Variants in DLGAP4 observed in about 807,000 individuals in gnomAD.
DLGAP4 encodes disks large-associated protein 4.
DLGAP4 carries 18 observed loss-of-function variants against 86.9 expected under a neutral mutation model. The observed-to-expected ratio is 0.21, with a 90% CI of 0.14 to 0.31. The LOEUF is 0.31. Ranked by LOEUF, DLGAP4 falls within the 10% of genes least tolerant of loss-of-function variation. The pLI is 1.00. For missense variants in DLGAP4, 1,085 were observed against 1,362.6 expected (o/e 0.80, Z 3.21); for synonymous variants, 548 against 574.3 (o/e 0.95, Z 0.65).
chr20:36,380,453 T>C (rs1298632489), intron 2 of DLGAP4, among the ~76,000 whole-genome samples: 1 of 151,972 alleles, frequency 6.6e-6, no homozygotes. Flanking sequence ...CCAGGCATGG[T>C]GGCACATTCC....
At chr20:36,412,971 A>G (rs984195285) in intron 2 of DLGAP4, among the ~76,000 whole-genome samples, 1 of 138,058 alleles carries the variant, frequency 7.2e-6, no homozygotes, top group African/African-American at 2.7e-5. Flanking sequence ...TTATTCCAGA[A>G]CTCTTTTCTT....
chr20:36,490,215 G>A (rs1347265846), intron 7 of DLGAP4, among the ~76,000 whole-genome samples: 1 of 152,136 alleles, frequency 6.6e-6, no homozygotes, highest in African/African-American at 2.4e-5. Context: ...GAAACAGTGG[G>A]AAAGGAGAGG....
intron 11 of DLGAP4, chr20:36,525,364 T>C (rs535451020): frequency 8.4e-4 from 153 of 183,076 alleles, no homozygotes; most frequent in Non-Finnish European, 1.1e-3. Flanking sequence ...CTGTTCTGCC[T>C]GTGGGAATGT....
intron 7 of DLGAP4, among the ~76,000 whole-genome samples, chr20:36,486,777 AT>A (rs1419902349): frequency 2.6e-5 from 4 of 151,876 alleles, no homozygotes; most frequent in African/African-American, 9.7e-5. Context: ...CACCCGGCCA[AT>A]TTTTTGTATT....
At chr20:36,421,422 T>C (rs1254331607) in intron 2 of DLGAP4, among the ~76,000 whole-genome samples, 3 of 149,752 alleles carry the variant, frequency 2.0e-5, no homozygotes, top group Non-Finnish European at 4.4e-5. Context: ...CGCACAACTG[T>C]ACTATGGTCT....
At chr20:36,337,763 G>A (rs2065337193) in intron 1 of DLGAP4, among the ~76,000 whole-genome samples, 2 of 152,128 alleles carry the variant, frequency 1.3e-5, no homozygotes, top group African/African-American at 2.4e-5. Context: ...TGCCCTTTCT[G>A]CCTCTTCTGG....
At chr20:36,325,638 T>C (rs1411397187) in intron 1 of DLGAP4, among the ~76,000 whole-genome samples, 2 of 152,192 alleles carry the variant, frequency 1.3e-5, no homozygotes, top group African/African-American at 4.8e-5. Context: ...ATTCAATACA[T>C]ACATATTTAG....
intron 1 of DLGAP4, among the ~76,000 whole-genome samples, chr20:36,307,709 G>A (rs2065018001): frequency 6.6e-6 from 1 of 152,086 alleles, no homozygotes; most frequent in African/African-American, 2.4e-5. Flanking sequence ...AGCCCCCGGG[G>A]GACTGGCCTG....
In DLGAP4 at chr20:36,481,474, G is replaced by A. The variant is rs965840877; in HGVS notation, c.1649-15231G>A. ...AACTTTTGGTGCATATGTGTCACAC[G>A]CCCCGTTTGTGACAAGTCCGTCCCA... On this transcript the variant is annotated intron_variant, in intron 7 of 12. Transcript: ENST00000339266. Among the ~76,000 whole-genome samples, 8 of 152,204 alleles carry A rather than the reference G, an allele frequency of 5.3e-5. No homozygotes were observed. The South Asian group carries it at 1.2e-3, about 24-fold the overall frequency.
chr20:36,445,185 T>C (rs1240751266), intron 6 of DLGAP4, among the ~76,000 whole-genome samples: 1 of 152,066 alleles, frequency 6.6e-6, no homozygotes, highest in Non-Finnish European at 1.5e-5. Flanking sequence ...CAAATAGCCA[T>C]ACATGGCTCA....
intron 1 of DLGAP4, among the ~76,000 whole-genome samples, chr20:36,311,883 G>A (rs1457929661): frequency 6.6e-6 from 1 of 152,220 alleles, no homozygotes; most frequent in East Asian, 1.9e-4. Context: ...CATGTTCTGG[G>A]GATTCTGAAG....
chr20:36,521,755 C>T (rs1263061714), intron 10 of DLGAP4, among the ~76,000 whole-genome samples: 2 of 152,172 alleles, frequency 1.3e-5, no homozygotes, highest in African/African-American at 2.4e-5. Flanking sequence ...TTTCCATTGT[C>T]TTACTATCTC....
chr20:36,487,826 T>C (rs1285189653), intron 7 of DLGAP4, among the ~76,000 whole-genome samples: 12 of 152,174 alleles, frequency 7.9e-5, no homozygotes. Context: ...AAATACCTCA[T>C]GCCTGTCAGC....
intron 2 of DLGAP4, among the ~76,000 whole-genome samples, chr20:36,411,486 G>A (rs769359574): frequency 9.2e-5 from 14 of 152,084 alleles, no homozygotes; most frequent in Non-Finnish European, 2.1e-4. Context: ...CTTTTACCCG[G>A]TCTCCTCATG....
At chr20:36,398,227 G>A in intron 2 of DLGAP4, among the ~76,000 whole-genome samples, 1 of 152,222 alleles carries the variant, frequency 6.6e-6, no homozygotes, top group Middle Eastern at 3.2e-3. Flanking sequence ...GTGTTAGAGA[G>A]AACCAAGGGC....
intron 2 of DLGAP4, among the ~76,000 whole-genome samples, chr20:36,372,976 A>C (rs745417243): frequency 3.9e-5 from 6 of 152,166 alleles, no homozygotes; most frequent in Non-Finnish European, 5.9e-5. Flanking sequence ...CAGGATATCT[A>C]CTTAGGTATC....
intron 10 of DLGAP4, among the ~76,000 whole-genome samples, chr20:36,512,200 A>G (rs985639936): frequency 6.6e-5 from 10 of 151,198 alleles, no homozygotes; most frequent in Non-Finnish European, 1.3e-4. Context: ...ACAGGTGCCC[A>G]CCACCTCGCC....
Position 36,467,058 on chromosome 20 carries a change from CT to C in DLGAP4, c.1648+20122del, listed in dbSNP as rs1569509680. Among the ~76,000 whole-genome samples the C allele has an allele frequency of 3.3e-3, 413 of 124,792 alleles. 13 individuals are homozygous for C. Among genetic ancestry groups the C allele is most frequent in the East Asian group, 8.5e-3 (40 of 4,704 alleles). The allele number at this position is 124,792 out of a possible 152,430, so 81.9% of individuals were successfully genotyped here. A position where few individuals can be genotyped will look rare whatever the true frequency, so the allele number is the denominator to read the frequency against. The stretch of plus-strand genomic sequence containing the variant: ...TCTCTCTCTCTCTCTCTCTCTCTCT[CT>C]CTCTCCCCCCCCCTTCTCTCGGCCC... On this transcript the variant is annotated intron_variant, in intron 7 of 12. Coordinates refer to ENST00000339266, the MANE Select transcript of DLGAP4 (RefSeq NM_001365621.2).
chr20:36,323,618 A>C (rs1349225080), intron 1 of DLGAP4, among the ~76,000 whole-genome samples: 1 of 152,130 alleles, frequency 6.6e-6, no homozygotes, highest in Non-Finnish European at 1.5e-5. Flanking sequence ...TTATATACCG[A>C]GTGGAGTTTA....
Sources: allele counts gnomAD v4.1 joint callset (sites outside exome capture counted in the v4.1 genomes callset), GRCh38; gene constraint gnomAD v4.1.1; transcripts MANE v1.5; gene names NCBI Gene and HGNC (gene_info 2026-07-23, HGNC 2026-07-21).